POC1A: variants seen among roughly 807,000 people sequenced by gnomAD.
POC1A encodes POC1 centriolar protein homolog A.
Under a neutral mutation model 47.8 loss-of-function variants are expected in POC1A, and 34 were observed. The observed-to-expected ratio is 0.71, with a 90% CI of 0.54 to 0.95. The LOEUF is 0.95. Among genes scored for constraint, POC1A ranks in the 40% least tolerant of loss-of-function variants. The probability of loss-of-function intolerance (pLI) is 0.00; values close to 1 mark genes in which losing one functional copy is unlikely to be tolerated. For synonymous variants in POC1A, 177 were observed against 207.6 expected (o/e 0.85, Z 1.27); for missense variants, 466 against 528.3 (o/e 0.88, Z 1.16).
intron 7 of POC1A, among the ~76,000 whole-genome samples, chr3:52,137,427 T>C (rs1016475655): frequency 9.2e-5 from 14 of 152,118 alleles, no homozygotes; most frequent in Admixed American, 2.6e-4. Context: ...TTGAATTCAA[T>C]GGACTCCAGA....
chr3:52,099,759 G>C (rs1345843784), intron 9 of POC1A, among the ~76,000 whole-genome samples: 1 of 152,144 alleles, frequency 6.6e-6, no homozygotes, highest in South Asian at 2.1e-4. Context: ...GCTGAGGCAG[G>C]AGAATCACTT....
chr3:52,127,454 G>A (rs1415955369), intron 7 of POC1A, among the ~76,000 whole-genome samples: 1 of 150,870 alleles, frequency 6.6e-6, no homozygotes, highest in South Asian at 2.1e-4. Flanking sequence ...GCAGTGGTGC[G>A]ATCTTGGCTC....
At chr3:52,101,762 T>C (rs750507882) in intron 9 of POC1A, among the ~76,000 whole-genome samples, 13 of 152,102 alleles carry the variant, frequency 8.5e-5, no homozygotes, top group Admixed American at 1.3e-4. Context: ...ACATGGACAA[T>C]TGGAATCCTA....
intron 6 of POC1A, among the ~76,000 whole-genome samples, chr3:52,144,736 T>C (rs1300820018): frequency 5.3e-5 from 8 of 152,200 alleles, no homozygotes; most frequent in Admixed American, 4.6e-4. Flanking sequence ...AAAAGCCAGC[T>C]GCAGAGCCCA....
intron 9 of POC1A, among the ~76,000 whole-genome samples, chr3:52,102,445 G>A (rs545658538): frequency 4.6e-5 from 7 of 152,214 alleles, no homozygotes; most frequent in East Asian, 3.9e-4. Context: ...TCCAATCTCT[G>A]CCTTTGTCTT....
At chr3:52,099,128 G>C (rs1230092175) in intron 9 of POC1A, among the ~76,000 whole-genome samples, 2 of 152,144 alleles carry the variant, frequency 1.3e-5, no homozygotes, top group Non-Finnish European at 2.9e-5. Context: ...CCCCAACCCA[G>C]CTGCCCTGGA....
intron 9 of POC1A, among the ~76,000 whole-genome samples, chr3:52,120,508 A>G (rs1703739235): frequency 6.6e-6 from 1 of 152,210 alleles, no homozygotes; most frequent in Non-Finnish European, 1.5e-5. Context: ...GGGGGTCTCA[A>G]AGCTCTCATC....
At chr3:52,118,018 A>G (rs1409257527) in intron 9 of POC1A, among the ~76,000 whole-genome samples, 3 of 152,200 alleles carry the variant, frequency 2.0e-5, no homozygotes, top group Non-Finnish European at 4.4e-5. Context: ...TAGAGGGGCC[A>G]GGGCTGTGGC....
chr3:52,084,521 T>C lies in POC1A; in HGVS notation c.1126-8536A>G, dbSNP rs76808859. Among the ~76,000 whole-genome samples, 2,293 of 152,298 alleles carry C rather than the reference T, an allele frequency of 0.015. 57 individuals carry two copies. The highest frequency in any genetic ancestry group is 0.051 in the African/African-American group (2,118 of 41,554). ...ACTGACACAGCTGCAGCACCGGTCCTGTCTAGGCTGCGAGGAAAGCTACTC... is the reference window on the plus strand; with the variant it reads ...ACTGACACAGCTGCAGCACCGGTCCCGTCTAGGCTGCGAGGAAAGCTACTC... On this transcript the variant is annotated intron_variant, in intron 10 of 10. Transcript: ENST00000296484. This position sits in a 1 kb window ranked among gnomAD's most constrained non-coding sequence, Gnocchi z 4.3.
intron 10 of POC1A, among the ~76,000 whole-genome samples, chr3:52,081,268 G>A (rs1265785568): frequency 6.6e-6 from 1 of 152,186 alleles, no homozygotes; most frequent in African/African-American, 2.4e-5. Context: ...TGGGTCCAGC[G>A]ACAGGTTGAC....
At chr3:52,096,412 C>T (rs546737662) in intron 10 of POC1A, among the ~76,000 whole-genome samples, 157 bp downstream of exon 10, 46 of 152,356 alleles carry the variant, frequency 3.0e-4, no homozygotes, top group African/African-American at 7.7e-4. Flanking sequence ...CCAGGATCCC[C>T]GGGAAGGCTC....
chr3:52,114,810 G>A (rs1703504065), intron 9 of POC1A, among the ~76,000 whole-genome samples: 1 of 152,204 alleles, frequency 6.6e-6, no homozygotes, highest in Admixed American at 6.5e-5. Context: ...CATAAAGCCT[G>A]GCCCCGGTAA....
intron 10 of POC1A, among the ~76,000 whole-genome samples, chr3:52,081,612 G>A (rs1162254151): frequency 1.3e-5 from 2 of 152,216 alleles, no homozygotes; most frequent in East Asian, 1.9e-4. Context: ...TAGGAGGCAC[G>A]TGTGCTGGAG....
At chr3:52,145,716 C>A (rs894430671) in intron 6 of POC1A, 130 bp downstream of exon 6, 1 of 612,624 alleles carries the variant, frequency 1.6e-6, no homozygotes. Context: ...GGAATCCCAA[C>A]AAACCCAGGA....
In POC1A at chr3:52,079,613, C is replaced by T. The variant is rs1281946877; in HGVS notation, c.1126-3628G>A. Among the ~76,000 whole-genome samples, 3 of 152,230 alleles carry T rather than the reference C, an allele frequency of 2.0e-5. No homozygotes were observed. The highest frequency in any genetic ancestry group is 7.2e-5 in the African/African-American group (3 of 41,450). ...CTGGTCCTAGCCCCTCAGAAGGTCC[C>T]CAAAGAGGTACAGGCTGTGTCAGGT... On this transcript the variant is annotated intron_variant, in intron 10 of 10. Coordinates refer to ENST00000296484, the MANE Select transcript of POC1A (RefSeq NM_015426.5). The surrounding 1 kb of genome is among the most constrained non-coding windows in gnomAD (Gnocchi z 4.6).
chr3:52,080,443 G>A (rs1481435493), intron 10 of POC1A, among the ~76,000 whole-genome samples: 1 of 152,174 alleles, frequency 6.6e-6, no homozygotes, highest in Non-Finnish European at 1.5e-5. Flanking sequence ...TGAATTAAAT[G>A]AGCAGAAACT....
chr3:52,122,953 C>T (rs953058787), intron 8 of POC1A, among the ~76,000 whole-genome samples: 1 of 152,232 alleles, frequency 6.6e-6, no homozygotes, highest in African/African-American at 2.4e-5. Context: ...GAAGTTCCTG[C>T]GGGCGGTGGC....
Position 52,151,182 on chromosome 3 carries a change from C to T in POC1A, c.19-82G>A, listed in dbSNP as rs186018475. The stretch of plus-strand genomic sequence containing the variant: ...GGGCCAGCACTCTTCCTACAACAGC[C>T]GGGGGAGTAGGGTTAAAAATGCTCA... On this transcript the variant is annotated intron_variant, in intron 1 of 10. Coordinates refer to ENST00000296484, the MANE Select transcript of POC1A (RefSeq NM_015426.5). 2.6e-3 allele frequency: 4,101 copies of T among 1,590,204 alleles called. 124 individuals are homozygous for T. In the South Asian group the frequency reaches 0.043, roughly 17 times the overall value.
At chr3:52,133,507 C>T (rs538698862) in intron 7 of POC1A, among the ~76,000 whole-genome samples, 2 of 152,158 alleles carry the variant, frequency 1.3e-5, no homozygotes, top group African/African-American at 2.4e-5. Flanking sequence ...CCAAACCACC[C>T]GCACGCTGAC....
Sources: gnomAD v4.1 joint callset for allele counts (sites outside exome capture counted in the v4.1 genomes callset) on GRCh38, gnomAD v4.1.1 for gene constraint, Gnocchi (gnomAD v3.1) non-coding constraint, MANE v1.5 for transcripts, NCBI Gene and HGNC (gene_info 2026-07-23, HGNC 2026-07-21) for gene names.